CSMD3: variants seen among roughly 807,000 people sequenced by gnomAD.
CSMD3 encodes the protein CUB and sushi domain-containing protein 3.
In CSMD3, 177 loss-of-function variants were observed where a neutral mutation model predicts 435.2. The ratio of observed to expected loss-of-function variants is 0.41; its 90% CI spans 0.36 to 0.46. The LOEUF is 0.46. Among genes scored for constraint, CSMD3 ranks in the 20% least tolerant of loss-of-function variants. The pLI is 0.34. For synonymous variants in CSMD3, 1,656 were observed against 1,520.5 expected, an observed-to-expected ratio of 1.09 and a Z score of -2.07; for missense variants, 4,265 against 4,504.6, an observed-to-expected ratio of 0.95 and a Z score of 1.52.
At chr8:112,503,231 G>A (rs1822157097) in intron 30 of CSMD3, among the ~76,000 whole-genome samples, 2 of 152,040 alleles carry the variant, frequency 1.3e-5, no homozygotes, top group Non-Finnish European at 2.9e-5. Context: ...ACAGACGTAT[G>A]ACACCCCTCT....
In CSMD3 at chr8:112,772,957, G is replaced by A. The variant is rs142624683; in HGVS notation, c.1972+27205C>T. The stretch of plus-strand genomic sequence containing the variant: ...ACATCCCCCTCTCCTGGAAACGCCC[G>A]ATAATGATCAATAAATACTAAGGGA... On this transcript the variant is annotated intron_variant, in intron 13 of 70. Coordinates refer to ENST00000297405, the MANE Select transcript of CSMD3 (RefSeq NM_198123.2). Among the ~76,000 whole-genome samples, 123 of 152,056 alleles carry A rather than the reference G, an allele frequency of 8.1e-4. No homozygotes were observed. In the East Asian group the frequency reaches 0.016, roughly 20 times the overall value.
At chr8:113,078,024 A>G (rs757953786) in intron 5 of CSMD3, among the ~76,000 whole-genome samples, 4 of 152,210 alleles carry the variant, frequency 2.6e-5, no homozygotes, top group Non-Finnish European at 2.9e-5. Flanking sequence ...AATGAGTTAA[A>G]AACTATCTAT....
intron 27 of CSMD3, among the ~76,000 whole-genome samples, chr8:112,527,554 C>T (rs1268474547): frequency 1.3e-5 from 2 of 151,828 alleles, no homozygotes; most frequent in African/African-American, 4.8e-5. Flanking sequence ...GAATAATTAA[C>T]ACTATCAACA....
intron 22 of CSMD3, among the ~76,000 whole-genome samples, chr8:112,618,063 G>A (rs1833791702): frequency 6.6e-6 from 1 of 151,970 alleles, no homozygotes; most frequent in South Asian, 2.1e-4. Flanking sequence ...GAGAGTTTAA[G>A]GCTACTAAAG....
chr8:112,846,050 C>T (rs1317119595), intron 11 of CSMD3, among the ~76,000 whole-genome samples: 1 of 151,784 alleles, frequency 6.6e-6, no homozygotes, highest in Non-Finnish European at 1.5e-5. Context: ...TCACTCTATA[C>T]CTATGCCTTT....
chr8:112,623,654 AT>A (rs1398131147), intron 22 of CSMD3, among the ~76,000 whole-genome samples: 4 of 137,754 alleles, frequency 2.9e-5, no homozygotes, highest in African/African-American at 7.8e-5. Context: ...TCCCAGTGCT[AT>A]CCCTCCCCCC....
intron 13 of CSMD3, among the ~76,000 whole-genome samples, chr8:112,786,802 T>C (rs901798891): frequency 1.3e-5 from 2 of 152,096 alleles, no homozygotes; most frequent in Admixed American, 1.3e-4. Context: ...GTTTGTTACA[T>C]AGGCATACAC....
In CSMD3 at chr8:112,819,166, G is replaced by A. The variant is rs2079459846; in HGVS notation, c.1859+10520C>T. 2.0e-5 allele frequency among the ~76,000 whole-genome samples: 3 copies of A among 152,114 alleles called. No individual in the cohort carries two copies. In the South Asian group the frequency reaches 6.2e-4, roughly 32 times the overall value. Reference sequence around the variant, plus strand: ...TGCAATGAAAGGCTGTTTGCAGGGCGGGTGGACCGTTTGAACATGCAGGCT... The same window carrying A: ...TGCAATGAAAGGCTGTTTGCAGGGCAGGTGGACCGTTTGAACATGCAGGCT... On this transcript the variant is annotated intron_variant, in intron 12 of 70. Coordinates refer to ENST00000297405, the MANE Select transcript of CSMD3 (RefSeq NM_198123.2).
At chr8:113,300,802 T>A (rs562968666) in intron 2 of CSMD3, among the ~76,000 whole-genome samples, 1 of 152,174 alleles carries the variant, frequency 6.6e-6, no homozygotes, top group Middle Eastern at 3.4e-3. Flanking sequence ...AATATACCCA[T>A]GTAATGACCC....
chr8:112,831,508 C>A (rs1420328385), intron 11 of CSMD3, among the ~76,000 whole-genome samples: 1 of 150,426 alleles, frequency 6.6e-6, no homozygotes, highest in African/African-American at 2.4e-5. Flanking sequence ...TGTTCACATT[C>A]GTGTACATTG....
chr8:113,358,269 G>A (rs9649936), intron 1 of CSMD3, among the ~76,000 whole-genome samples: 114,839 of 152,228 alleles, frequency 0.75, 44,896 homozygotes, highest in Middle Eastern at 0.87. Flanking sequence ...GAAAATTTCT[G>A]GATTTAAAAC....
At chr8:112,304,166 C>T (rs1000391002) in intron 52 of CSMD3, among the ~76,000 whole-genome samples, 2 of 151,932 alleles carry the variant, frequency 1.3e-5, no homozygotes, top group East Asian at 1.9e-4. Context: ...TTGTGTCATA[C>T]CATTAAATGT....
chr8:112,301,760 G>C (rs2130756078), intron 53 of CSMD3, 33 bp downstream of exon 53: 3 of 1,556,922 alleles, frequency 1.9e-6, no homozygotes, highest in Non-Finnish European at 2.7e-6. Flanking sequence ...GGGGCAGGGG[G>C]AAGTTTGACA....
intron 13 of CSMD3, among the ~76,000 whole-genome samples, chr8:112,770,193 T>A (rs188072046): frequency 3.7e-4 from 56 of 152,176 alleles, no homozygotes; most frequent in Admixed American, 3.0e-3. Flanking sequence ...GTTTTGAATG[T>A]TTGTCCACCT....
chr8:112,990,768 C>A (rs540443898), intron 6 of CSMD3, among the ~76,000 whole-genome samples: 1 of 151,838 alleles, frequency 6.6e-6, no homozygotes, highest in African/African-American at 2.4e-5. Context: ...TATAGTACAG[C>A]AGATTATGAC....
At chr8:112,612,709 C>CTTTTTTT (rs532290154) in intron 22 of CSMD3, among the ~76,000 whole-genome samples, 169 of 65,890 alleles carry the variant, frequency 2.6e-3, no homozygotes, top group Middle Eastern at 0.012. Context: ...TTTCTTTGTT[C>CTTTTTTT]TTTTTTTTTT....
chr8:112,520,333 A>G (rs1040932044), intron 27 of CSMD3, among the ~76,000 whole-genome samples: 17 of 152,036 alleles, frequency 1.1e-4, no homozygotes, highest in African/African-American at 4.1e-4. Flanking sequence ...CCATTTTTAA[A>G]TGGGTAAAAT....
At chr8:112,660,845 AATG>A (rs1049694747) in intron 17 of CSMD3, among the ~76,000 whole-genome samples, 1 of 152,172 alleles carries the variant, frequency 6.6e-6, no homozygotes, top group Non-Finnish European at 1.5e-5. Flanking sequence ...ATTAACAAAG[AATG>A]ATTTTTTAAT....
At chr8:113,163,536 TA>T (rs1345446137) in intron 4 of CSMD3, among the ~76,000 whole-genome samples, 16 of 151,942 alleles carry the variant, frequency 1.1e-4, no homozygotes, top group African/African-American at 3.9e-4. Flanking sequence ...TGAAAATATA[TA>T]AAGAAACTTA....
Sources: gnomAD v4.1 joint callset for allele counts (sites outside exome capture counted in the v4.1 genomes callset) on GRCh38, gnomAD v4.1.1 for gene constraint, MANE v1.5 for transcripts, NCBI Gene and HGNC (gene_info 2026-07-23, HGNC 2026-07-21) for gene names.